Variants in ANKS1B observed in about 807,000 individuals in gnomAD.
ANKS1B encodes the protein ankyrin repeat and sterile alpha motif domain-containing protein 1B.
A neutral mutation model predicts 148.3 loss-of-function variants in ANKS1B; 36 were observed. The observed-to-expected ratio is 0.24, with a 90% CI of 0.19 to 0.32. The LOEUF (loss-of-function observed/expected upper bound fraction) is 0.32, where lower values mean the gene tolerates loss of function less well. Among genes scored for constraint, ANKS1B ranks in the 10% least tolerant of loss-of-function variants. ANKS1B has a pLI of 1.00. For synonymous variants in ANKS1B, 542 were observed against 560.8 expected, an observed-to-expected ratio of 0.97 and a Z score of 0.47; for missense variants, 1,157 against 1,542.6, an observed-to-expected ratio of 0.75 and a Z score of 4.19.
chr12:99,552,473 G>C (rs746801064), intron 9 of ANKS1B, among the ~76,000 whole-genome samples: 1 of 152,184 alleles, frequency 6.6e-6, no homozygotes, highest in Admixed American at 6.5e-5. Flanking sequence ...GTCTAGCACA[G>C]TGTCTGACAC....
intron 22 of ANKS1B, among the ~76,000 whole-genome samples, chr12:98,797,163 A>C (rs946321835): frequency 3.9e-5 from 6 of 152,232 alleles, no homozygotes; most frequent in African/African-American, 1.2e-4. Context: ...AGGCCAGATA[A>C]ATATTTAGAA....
chr12:98,853,612 C>T (rs183894377), intron 17 of ANKS1B, among the ~76,000 whole-genome samples: 55 of 152,316 alleles, frequency 3.6e-4, no homozygotes, highest in African/African-American at 6.0e-4. Flanking sequence ...TTAGGTGCCA[C>T]GCTGGGAGAG....
chr12:99,028,936 T>C (rs539689333), intron 17 of ANKS1B, among the ~76,000 whole-genome samples: 1 of 152,248 alleles, frequency 6.6e-6, no homozygotes, highest in South Asian at 2.1e-4. Flanking sequence ...GAATACTAAA[T>C]AGTATTTTAT....
At chr12:99,357,247 T>C in intron 12 of ANKS1B, among the ~76,000 whole-genome samples, 1 of 152,278 alleles carries the variant, frequency 6.6e-6, no homozygotes, top group East Asian at 1.9e-4. Context: ...TTGGAAAGTG[T>C]CATTTTTTTC....
chr12:99,478,046 T>A lies in ANKS1B; in HGVS notation c.1438+26430A>T, dbSNP rs182389273. ...TTATGCAACACTTAAAACAATGAAATACAGTGACACCAACTGACTTGAAGA... is the reference window on the plus strand; with the variant it reads ...TTATGCAACACTTAAAACAATGAAAAACAGTGACACCAACTGACTTGAAGA... On this transcript the variant is annotated intron_variant, in intron 10 of 26. Coordinates refer to ENST00000683438, the MANE Select transcript of ANKS1B (RefSeq NM_001352186.2). Among the ~76,000 whole-genome samples the A allele has an allele frequency of 6.6e-5, 10 of 152,244 alleles. No individual in the cohort carries two copies. In the East Asian group the frequency reaches 1.7e-3, roughly 26 times the overall value.
At chr12:99,853,665 C>A (rs1167614902) in intron 1 of ANKS1B, among the ~76,000 whole-genome samples, 1 of 152,090 alleles carries the variant, frequency 6.6e-6, no homozygotes, top group African/African-American at 2.4e-5. Flanking sequence ...AAACAAAGTT[C>A]TTTAACACCC....
intron 1 of ANKS1B, among the ~76,000 whole-genome samples, chr12:99,847,832 C>T (rs1003191261): frequency 6.6e-6 from 1 of 152,198 alleles, no homozygotes; most frequent in Non-Finnish European, 1.5e-5. Context: ...CCTACAGTTG[C>T]TGCATGAAGG....
intron 9 of ANKS1B, among the ~76,000 whole-genome samples, chr12:99,535,923 G>T (rs1270733747): frequency 6.6e-6 from 1 of 152,074 alleles, no homozygotes; most frequent in Admixed American, 6.6e-5. Flanking sequence ...ATTTAAATTT[G>T]CTCTAATCCC....
At chr12:99,172,642 T>A (rs2077911567) in intron 14 of ANKS1B, among the ~76,000 whole-genome samples, 1 of 152,178 alleles carries the variant, frequency 6.6e-6, no homozygotes, top group Non-Finnish European at 1.5e-5. Flanking sequence ...GGTCTAATGT[T>A]GGTTCAAACT....
At chr12:99,611,510 T>C (rs2153345605) in intron 9 of ANKS1B, among the ~76,000 whole-genome samples, 1 of 152,272 alleles carries the variant, frequency 6.6e-6, no homozygotes, top group Non-Finnish European at 1.5e-5. Context: ...CCTCCCTGTT[T>C]ATAAAATTAA....
At chr12:99,115,354 A>C (rs2153709517) in intron 15 of ANKS1B, among the ~76,000 whole-genome samples, 1 of 152,324 alleles carries the variant, frequency 6.6e-6, no homozygotes, top group South Asian at 2.1e-4. Context: ...TATCCTTAGC[A>C]AACTAATGCA....
intron 9 of ANKS1B, among the ~76,000 whole-genome samples, chr12:99,636,246 A>T (rs1055543993): frequency 2.6e-5 from 4 of 152,166 alleles, no homozygotes; most frequent in African/African-American, 9.7e-5. Context: ...GCCACCATGA[A>T]CACCAAGTTA....
chr12:99,551,893 G>T (rs1244448563), intron 9 of ANKS1B, among the ~76,000 whole-genome samples: 1 of 152,004 alleles, frequency 6.6e-6, no homozygotes. Context: ...TTGCAAGATT[G>T]TTTATAATCT....
At chr12:98,991,899 T>C (rs2099926779) in intron 17 of ANKS1B, among the ~76,000 whole-genome samples, 1 of 152,166 alleles carries the variant, frequency 6.6e-6, no homozygotes, top group Admixed American at 6.5e-5. Flanking sequence ...GTGAGATCTA[T>C]AGATAAGAAC....
At chr12:99,121,318 G>GGGGT (rs796549235) in intron 15 of ANKS1B, among the ~76,000 whole-genome samples, 39 of 105,976 alleles carry the variant, frequency 3.7e-4, no homozygotes, top group East Asian at 1.3e-3. Context: ...TGTGTATGTA[G>GGGGT]GTATGTGTGT....
At chr12:99,755,029 C>CA (rs143866657) in intron 8 of ANKS1B, among the ~76,000 whole-genome samples, 11 of 148,666 alleles carry the variant, frequency 7.4e-5, no homozygotes, top group East Asian at 2.0e-4. Flanking sequence ...TGAGACACGA[C>CA]AAAAAAAATC....
chr12:99,665,488 C>CTT (rs1271222513), intron 8 of ANKS1B, among the ~76,000 whole-genome samples: 1 of 144,394 alleles, frequency 6.9e-6, no homozygotes. Context: ...TGTTCGACTT[C>CTT]TTTTTTTTTT....
chr12:99,403,320 C>G (rs367796870), intron 11 of ANKS1B, among the ~76,000 whole-genome samples: 1 of 142,498 alleles, frequency 7.0e-6, no homozygotes, highest in Non-Finnish European at 1.5e-5. Context: ...CCATGTCTGG[C>G]TAATTTCTGT....
At chr12:99,278,937 C>T (rs2078035293) in intron 12 of ANKS1B, among the ~76,000 whole-genome samples, 1 of 152,060 alleles carries the variant, frequency 6.6e-6, no homozygotes, top group East Asian at 1.9e-4. Flanking sequence ...AATTATTGCA[C>T]CCAAAATGTA....
Sources: allele counts gnomAD v4.1 joint callset (sites outside exome capture counted in the v4.1 genomes callset), GRCh38; gene constraint gnomAD v4.1.1; transcripts MANE v1.5; gene names NCBI Gene and HGNC (gene_info 2026-07-23, HGNC 2026-07-21).